The following RPS6KA2 variants were observed in gnomAD, a reference collection of about 807,000 sequenced individuals.
RPS6KA2 encodes the protein ribosomal protein S6 kinase alpha-2.
RPS6KA2 carries 42 observed loss-of-function variants against 91.8 expected under a neutral mutation model. The ratio of observed to expected loss-of-function variants is 0.46; its 90% confidence interval spans 0.36 to 0.59. The LOEUF (loss-of-function observed/expected upper bound fraction) is 0.59. Among genes scored for constraint, RPS6KA2 ranks in the 20% least tolerant of loss-of-function variants. The pLI, the probability that RPS6KA2 is intolerant of heterozygous loss-of-function variation, is 0.00. For missense variants in RPS6KA2, 798 were observed against 978.5 expected, an observed-to-expected ratio of 0.82 and a Z score of 2.46; for synonymous variants, 414 against 393.6, an observed-to-expected ratio of 1.05 and a Z score of -0.61.
At chr6:166,536,917 T>C (rs1413752393) in intron 2 of RPS6KA2, among the ~76,000 whole-genome samples, 1 of 152,284 alleles carries the variant, frequency 6.6e-6, no homozygotes, top group African/African-American at 2.4e-5. Flanking sequence ...AACGGGATTC[T>C]GCCAAACACC....
chr6:166,830,658 T>C (rs1470108075), intron 2 of RPS6KA2, among the ~76,000 whole-genome samples: 3 of 152,192 alleles, frequency 2.0e-5, no homozygotes. Context: ...GCCCTCTAAA[T>C]CTGCCTTAGC....
chr6:166,602,659 G>A (rs1423391639), intron 1 of RPS6KA2, among the ~76,000 whole-genome samples: 1 of 152,216 alleles, frequency 6.6e-6, no homozygotes, highest in Admixed American at 6.5e-5. Flanking sequence ...AAACAATACA[G>A]TGTTTAGGAT....
In RPS6KA2 at chr6:166,432,469, C is replaced by T. The variant is rs1275887588; in HGVS notation, c.1354G>A (p.Asp452Asn). The change falls in exon 15 of 21, where the codon GAC becomes AAC. Residue 452 changes from aspartate (D) to asparagine (N), a missense_variant. Physicochemically the swap from Asp to Asn is conservative, Grantham distance 23. Transcript: ENST00000265678. The stretch of plus-strand genomic sequence containing the variant: ...AGGATCTCAATCTCTTCCGAGGGGT[C>T]TCTCTTGCTCTTATCAATGATCTGG... ...AVKIIDKSKRDPSEEIEILLR... is the reference protein window; with the variant it reads ...AVKIIDKSKRNPSEEIEILLR... 2 of 1,612,716 alleles carry T rather than the reference C, an allele frequency of 1.2e-6. No individual in the cohort carries two copies. Among genetic ancestry groups the T allele is most frequent in the Non-Finnish European group, 1.7e-6 (2 of 1,178,796 alleles).
intron 2 of RPS6KA2, among the ~76,000 whole-genome samples, chr6:166,783,146 T>C (rs1401587011): frequency 6.6e-6 from 1 of 151,316 alleles, no homozygotes; most frequent in East Asian, 1.9e-4. Context: ...TGGAGTGCAG[T>C]GGAGGCTTCA....
intron 2 of RPS6KA2, among the ~76,000 whole-genome samples, chr6:166,830,545 A>G (rs995445920): frequency 6.0e-4 from 92 of 152,334 alleles, no homozygotes; most frequent in African/African-American, 2.2e-3. Context: ...AAAAAAGCTC[A>G]TCGCTGATAC....
At chr6:166,710,425 A>AGT (rs374185222) in intron 2 of RPS6KA2, among the ~76,000 whole-genome samples, 2 of 150,750 alleles carry the variant, frequency 1.3e-5, no homozygotes, top group African/African-American at 2.4e-5. Context: ...TGCATGCACG[A>AGT]GTGTGTGTGT....
At chr6:166,575,081 A>G (rs1390710730) in intron 1 of RPS6KA2, among the ~76,000 whole-genome samples, 1 of 152,238 alleles carries the variant, frequency 6.6e-6, no homozygotes, top group Non-Finnish European at 1.5e-5. Flanking sequence ...GACTGCCCCA[A>G]CCATGATAGG....
chr6:166,790,421 CA>C (rs1233829259), intron 2 of RPS6KA2, among the ~76,000 whole-genome samples: 2 of 152,080 alleles, frequency 1.3e-5, no homozygotes, highest in African/African-American at 4.8e-5. Flanking sequence ...AGAATGGAAC[CA>C]AGTTGGAAAA....
chr6:166,841,606 G>A (rs1026191317), intron 2 of RPS6KA2, among the ~76,000 whole-genome samples: 2 of 152,258 alleles, frequency 1.3e-5, no homozygotes, highest in African/African-American at 4.8e-5. Flanking sequence ...AGACACAGCA[G>A]GTGCTGCACC....
intron 1 of RPS6KA2, chr6:166,858,309 T>C (rs751956601): frequency 4.7e-6 from 5 of 1,063,462 alleles, no homozygotes; most frequent in African/African-American, 1.5e-5. Flanking sequence ...CATGTGTTTG[T>C]AGGTGGCCTC....
At position 166,681,693 on chromosome 6, in the gene RPS6KA2, C is replaced by A. The variant is rs916515268; in HGVS notation, c.124-142909G>T. Among the ~76,000 whole-genome samples the A allele has an allele frequency of 9.0e-5, 6 of 66,948 alleles. No individual in the cohort carries two copies. In the South Asian group the frequency reaches 4.9e-3, roughly 54 times the overall value. 43.9% of individuals were successfully genotyped at this position (66,948 alleles called of 152,430 possible). ...CTCCCTGGATCTCCCCCTGCCCGCC[C>A]CCCCCCCCGCCCCCGCCCAAGATCT... On this transcript the variant is annotated intron_variant, in intron 2 of 21. Coordinates refer to the RPS6KA2 transcript ENST00000503859.
chr6:166,626,070 C>A lies in RPS6KA2; in HGVS notation c.99+851G>T, dbSNP rs983674146. ...AAGGCGGGACAGTGTCAGGCGAAAT[C>A]TTTGGGTCCCAGCCTCAGTCTCCCC... On this transcript the variant is annotated intron_variant, in intron 1 of 20. Coordinates refer to ENST00000265678, the MANE Select transcript of RPS6KA2 (RefSeq NM_021135.6). This position sits in a 1 kb window ranked among gnomAD's most constrained non-coding sequence, Gnocchi z 4.1. Among the ~76,000 whole-genome samples the A allele has an allele frequency of 5.3e-5, 8 of 152,228 alleles. No individual in the cohort carries two copies. The highest frequency in any genetic ancestry group is 1.9e-4 in the African/African-American group (8 of 41,450).
intron 3 of RPS6KA2, among the ~76,000 whole-genome samples, chr6:166,527,103 A>C (rs1783078189): frequency 1.3e-5 from 2 of 152,246 alleles, no homozygotes. Context: ...TAAGAGGCCA[A>C]GGTCAGCCCT....
intron 2 of RPS6KA2, among the ~76,000 whole-genome samples, chr6:166,634,804 G>A (rs942273156): frequency 6.6e-6 from 1 of 152,150 alleles, no homozygotes; most frequent in Non-Finnish European, 1.5e-5. Context: ...GTTTTGCCAT[G>A]TTGACCAGGC....
At chr6:166,574,194 A>G (rs925656542) in intron 1 of RPS6KA2, among the ~76,000 whole-genome samples, 8 of 152,154 alleles carry the variant, frequency 5.3e-5, no homozygotes, top group Admixed American at 5.2e-4. Context: ...CAGGAGGTCC[A>G]TGTGCAGGTT....
At chr6:166,514,312 C>T (rs1258567906) in intron 3 of RPS6KA2, among the ~76,000 whole-genome samples, 1 of 152,208 alleles carries the variant, frequency 6.6e-6, no homozygotes, top group East Asian at 1.9e-4. Context: ...TGGGGAGATG[C>T]CCTGTGGTGA....
intron 4 of RPS6KA2, 144 bp downstream of exon 4, chr6:166,510,133 G>A (rs1782410050): frequency 4.3e-6 from 2 of 460,694 alleles, no homozygotes; most frequent in Non-Finnish European, 3.9e-6. Flanking sequence ...AGGATAGAAG[G>A]CACCTTCCTC....
chr6:166,713,731 C>G (rs1789933980), intron 2 of RPS6KA2, among the ~76,000 whole-genome samples: 1 of 152,212 alleles, frequency 6.6e-6, no homozygotes, highest in South Asian at 2.1e-4. Flanking sequence ...AAACACAAAA[C>G]TGCGCTTTGT....
In RPS6KA2 at chr6:166,611,245, A is replaced by C. The variant is rs145910655; in HGVS notation, c.99+15676T>G. Among the ~76,000 whole-genome samples, 688 of 152,364 alleles carry C rather than the reference A, an allele frequency of 4.5e-3. 3 individuals are homozygous for C. Among genetic ancestry groups the C allele is most frequent in the Middle Eastern group, 0.02 (6 of 294 alleles). On this transcript the variant is annotated intron_variant, in intron 1 of 20. Transcript: ENST00000265678. The stretch of plus-strand genomic sequence containing the variant: ...TATTTTTCACATATAGCCATTTAGC[A>C]TAATTTCAACAAGTCCAAAGCTGCT...
Sources: allele counts gnomAD v4.1 joint callset (sites outside exome capture counted in the v4.1 genomes callset), GRCh38; gene constraint gnomAD v4.1.1; non-coding constraint Gnocchi (gnomAD v3.1); transcripts MANE v1.5; gene names NCBI Gene and HGNC (gene_info 2026-07-23, HGNC 2026-07-21).